Variants in DPEP2 observed in about 807,000 individuals in gnomAD.
DPEP2 encodes the protein dipeptidase 2.
DPEP2 carries 45 observed loss-of-function variants against 51.8 expected under a neutral mutation model. The observed-to-expected ratio is 0.87, with a 90% CI of 0.68 to 1.11. DPEP2 has a LOEUF of 1.11. Among genes scored for constraint, DPEP2 ranks in the 50% most tolerant of loss-of-function variants. DPEP2 has a pLI of 0.00. For synonymous variants in DPEP2, 255 were observed against 262.7 expected (o/e 0.97, Z 0.28); for missense variants, 604 against 631.9 (o/e 0.96, Z 0.47).
In DPEP2 at chr16:67,998,292, CG is replaced by C. The variant is rs1209858776; in HGVS notation, c.-46+1082del. 4.0e-5 allele frequency among the ~76,000 whole-genome samples: 6 copies of C among 148,160 alleles called. No individual in the cohort carries two copies. The East Asian group carries it at 1.0e-3, about 25-fold the overall frequency. On this transcript the variant is annotated intron_variant, in intron 1 of 10. Coordinates refer to ENST00000393847, the MANE Select transcript of DPEP2 (RefSeq NM_022355.4). ...GAGTTTCGGGTGGGCGTGGGCTTGG[CG>C]GGCCCGCACTCGGAGCGGCCCGCGG... is the stretch of plus-strand genomic sequence containing the variant.
At position 67,993,076 on chromosome 16, in the gene DPEP2, A is replaced by G; in HGVS notation, c.137T>C (p.Leu46Pro). Residue 46 changes from leucine (L) to proline (P), a missense_variant, in exon 2 of 11, where the codon CTG (leucine) becomes CCG (proline). Leu to Pro is a moderately conservative substitution (Grantham distance 98, BLOSUM62 -3). Transcript: ENST00000393847. ...CATGGTGTGGGCTCTGGGGGCGCCC[A>G]GCGTGGTGAGGGCTCTGGGGGGGCC... ...TPGPPRALTTLGAPRAHTMPG... is the reference protein window; with the variant it reads ...TPGPPRALTTPGAPRAHTMPG... The G allele has an allele frequency of 6.4e-7, 1 of 1,573,622 alleles. No individual in the cohort carries two copies. Among genetic ancestry groups the G allele is most frequent in the Non-Finnish European group, 8.6e-7 (1 of 1,158,682 alleles).
chr16:67,998,440 C>T (rs1356696438), intron 1 of DPEP2, among the ~76,000 whole-genome samples: 2 of 152,216 alleles, frequency 1.3e-5, no homozygotes, highest in Non-Finnish European at 2.9e-5. Context: ...CGGGCCTTAG[C>T]TGCCTTCCCG....
At chr16:67,996,219 T>A (rs966547004) in intron 1 of DPEP2, among the ~76,000 whole-genome samples, 1 of 147,232 alleles carries the variant, frequency 6.8e-6, no homozygotes, top group Non-Finnish European at 1.5e-5. Context: ...TTTTTTTTTT[T>A]AGAGACAGGG....
chr16:67,991,981 T>C lies in DPEP2; in HGVS notation c.521-2A>G, dbSNP rs2032214838. ...CCAATTTCTGAGTGTCGTTCAGAGCTGGGGGCAGGTAGGTCAGGTGATTAC... is the reference window on the plus strand; with the variant it reads ...CCAATTTCTGAGTGTCGTTCAGAGCCGGGGGCAGGTAGGTCAGGTGATTAC... On this transcript the variant is annotated splice_acceptor_variant, in intron 4 of 10. Transcript: ENST00000393847. LOFTEE classifies it high-confidence loss of function. This position sits in a 1 kb window ranked among gnomAD's most constrained non-coding sequence, Gnocchi z 5.1. 1 of 1,614,044 alleles carries C rather than the reference T, an allele frequency of 6.2e-7. No homozygotes were observed.
intron 1 of DPEP2, among the ~76,000 whole-genome samples, chr16:67,995,215 T>A (rs569845251): frequency 9.2e-4 from 139 of 151,858 alleles, no homozygotes; most frequent in Admixed American, 1.2e-3. Flanking sequence ...TTTTATTTTT[T>A]ATTTATTTTT....
intron 9 of DPEP2, 163 bp from the exon 10 acceptor site, chr16:67,988,150 T>G: frequency 1.3e-6 from 1 of 768,042 alleles, no homozygotes; most frequent in East Asian, 2.7e-5. Context: ...GAAGGAGGCC[T>G]CAAAACCTCC....
intron 1 of DPEP2, among the ~76,000 whole-genome samples, chr16:67,998,560 G>T (rs2151392278): frequency 6.6e-6 from 1 of 152,332 alleles, no homozygotes; most frequent in East Asian, 1.9e-4. Context: ...CTGCTCCACA[G>T]CGCCCAGTCC....
Position 67,992,572 on chromosome 16 carries a change from G to T in DPEP2, c.328C>A (p.Arg110Ser). Residue 110 changes from arginine to serine, a missense_variant, in exon 3 of 11, where the codon CGC becomes AGC. Arg to Ser is a moderately radical substitution (Grantham distance 110). Coordinates refer to ENST00000393847, the MANE Select transcript of DPEP2 (RefSeq NM_022355.4). ...YQKGLQDVNL[R>S]NFSYGQTSLD... is the part of the protein sequence containing the mutation. ...CTGGTCTGGCCGTAGCTGAAATTGC[G>T]CAGGTTAACATCCTGTAGCCCTTTC... 6.2e-7 allele frequency: 1 copy of T among 1,614,166 alleles called. No individual in the cohort carries two copies. Among genetic ancestry groups the T allele is most frequent in the Non-Finnish European group, 8.5e-7 (1 of 1,179,992 alleles).
chr16:67,993,011 TG>T lies in DPEP2; in HGVS notation c.201del (p.Ser68AlafsTer12), dbSNP rs754965589. ...GCCTGCTCTTGCAGGCCCTGGGTGC[TG>T]GGACTACTGAGTGTGGTCGAGGGAG... ...TYAPSTTLSS[P>X]STQGLQEQAR... On this transcript the variant is annotated frameshift_variant, in exon 2 of 11. Coordinates refer to ENST00000393847, the MANE Select transcript of DPEP2 (RefSeq NM_022355.4). LOFTEE classifies it high-confidence loss of function. The T allele has an allele frequency of 1.2e-6, 2 of 1,606,202 alleles. No homozygotes were observed. Among genetic ancestry groups the T allele is most frequent in the South Asian group, 2.2e-5 (2 of 89,658 alleles).
chr16:67,993,455 G>T (rs939890955), intron 1 of DPEP2, 198 bp from the exon 2 acceptor site: 52 of 1,249,290 alleles, frequency 4.2e-5, no homozygotes, highest in Admixed American at 1.2e-4. Flanking sequence ...GGGCGCTCCC[G>T]CCGGCTGGGC....
rs151283462 is a variant in DPEP2 at position 67,992,516 on chromosome 16, G to A, written c.384C>T (p.Gly128=). 34 of 1,610,268 alleles carry A rather than the reference G, an allele frequency of 2.1e-5. No individual in the cohort carries two copies. The highest frequency in any genetic ancestry group is 8.0e-5 in the African/African-American group (6 of 74,850). Residue 128 remains glycine, a synonymous_variant, in exon 3 of 11, where the codon GGC becomes GGT. Coordinates refer to ENST00000393847, the MANE Select transcript of DPEP2 (RefSeq NM_022355.4). Reference sequence around the variant, plus strand: ...TCGTGTATCCCTGTGGTACCTGGGCGCCCACGAGGCCATCTCTAAGCCTGT... The same window carrying A: ...TCGTGTATCCCTGTGGTACCTGGGCACCCACGAGGCCATCTCTAAGCCTGT... The part of the protein sequence containing the change: ...SLDRLRDGLV[G]AQFWSAYVPC...
rs777699818 is a variant in DPEP2, at chr16:67,992,571, C to T, written c.329G>A (p.Arg110His). 7 of 1,614,058 alleles carry T rather than the reference C, an allele frequency of 4.3e-6. No homozygotes were observed. The East Asian group carries it at 6.7e-5, about 15-fold the overall frequency. ...GCTGGTCTGGCCGTAGCTGAAATTGCGCAGGTTAACATCCTGTAGCCCTTT... is the reference window on the plus strand; with the variant it reads ...GCTGGTCTGGCCGTAGCTGAAATTGTGCAGGTTAACATCCTGTAGCCCTTT... ...YQKGLQDVNL[R>H]NFSYGQTSLD... The change falls in exon 3 of 11, where the codon CGC (arginine) becomes CAC (histidine). Residue 110 changes from arginine (R) to histidine (H), a missense_variant. Transcript: ENST00000393847.
chr16:67,988,604 AAAAAAAAAAAAAG>A (rs2031726524), intron 9 of DPEP2, among the ~76,000 whole-genome samples: 1 of 132,522 alleles, frequency 7.5e-6, no homozygotes, highest in Middle Eastern at 3.8e-3. Context: ...CTCTGTCTCA[AAAAAAAAAAAAAG>A]AAAAGAAAAA....
chr16:67,988,056 G>T lies in DPEP2; in HGVS notation c.1071-69C>A, dbSNP rs748237863. 1.3e-4 allele frequency: 209 copies of T among 1,603,134 alleles called. 1 individual carries two copies. Among genetic ancestry groups the T allele is most frequent in the Non-Finnish European group, 1.7e-4 (203 of 1,172,530 alleles). On this transcript the variant is annotated intron_variant, in intron 9 of 10. Transcript: ENST00000393847. ...TCATGACTCAGAACCACAGTCCAGG[G>T]TCTATGAAACCCCAGCCCTGGTCAG...
In DPEP2 at chr16:67,991,945, G is replaced by A. The variant is rs371027638; in HGVS notation, c.555C>T (p.Ile185=). Residue 185 remains isoleucine (I), a synonymous_variant, in exon 5 of 11, where the codon ATC becomes ATT. Transcript: ENST00000393847. This position sits in a 1 kb window ranked among gnomAD's most constrained non-coding sequence, Gnocchi z 5.1. ...LNDTQKLACL[I]GVEGGHSLDN... ...CCAGCGAGTGGCCACCCTCTACACCGATGAGGCAGGCCAATTTCTGAGTGT... is the reference window on the plus strand; with the variant it reads ...CCAGCGAGTGGCCACCCTCTACACCAATGAGGCAGGCCAATTTCTGAGTGT... The A allele has an allele frequency of 3.2e-5, 51 of 1,614,100 alleles. No individual in the cohort carries two copies. The African/African-American group carries it at 3.9e-4, about 12-fold the overall frequency.
Position 67,991,673 on chromosome 16 carries a change from TG to T in DPEP2, c.662+164del. ...GATTACAGGCATGAGCCACCGCGTC[TG>T]GCCAGGGGTCAAGTCGTATTCTGAA... On this transcript the variant is annotated intron_variant, in intron 5 of 10. Coordinates refer to ENST00000393847, the MANE Select transcript of DPEP2 (RefSeq NM_022355.4). This position sits in a 1 kb window ranked among gnomAD's most constrained non-coding sequence, Gnocchi z 5.1. 1 of 1,094,518 alleles carries T rather than the reference TG, an allele frequency of 9.1e-7. No homozygotes were observed. Among genetic ancestry groups the T allele is most frequent in the Non-Finnish European group, 1.3e-6 (1 of 790,656 alleles). 67.8% of individuals were successfully genotyped at this position (1,094,518 alleles called of 1,614,324 possible). A position where few individuals can be genotyped will look rare whatever the true frequency, so the allele number is the denominator to read the frequency against.
Position 67,992,316 on chromosome 16 carries a change from C to T in DPEP2, c.391-123G>A, listed in dbSNP as rs558226664. On this transcript the variant is annotated intron_variant, in intron 3 of 10. Transcript: ENST00000393847. ...GGAGGCCACATGTAATGTACTGCTT[C>T]TTCCACAGGGTCTTCCTGGCCACCA... is the stretch of plus-strand genomic sequence containing the variant. 334 of 1,450,420 alleles carry T rather than the reference C, an allele frequency of 2.3e-4. 1 individual carries two copies. The highest frequency in any genetic ancestry group is 2.6e-4 in the Non-Finnish European group (283 of 1,073,122). 89.8% of individuals were successfully genotyped at this position (1,450,420 alleles called of 1,614,324 possible).
upstream of DPEP2, among the ~76,000 whole-genome samples, chr16:67,999,922 A>G (rs2151394699): frequency 6.6e-6 from 1 of 152,274 alleles, no homozygotes; most frequent in Middle Eastern, 3.4e-3. Context: ...AAACGAAAAC[A>G]AGATCCAATG....
chr16:67,991,020 G>C lies in DPEP2; in HGVS notation c.733-23C>G. On this transcript the variant is annotated intron_variant, in intron 6 of 10. Coordinates refer to ENST00000393847, the MANE Select transcript of DPEP2 (RefSeq NM_022355.4). This position sits in a 1 kb window ranked among gnomAD's most constrained non-coding sequence, Gnocchi z 5.1. ...CTTCTGCAGGGACATGTTGGGAGAA[G>C]GGTATCAGGGGTGCACATGTGTATA... The C allele has an allele frequency of 1.2e-6, 2 of 1,613,716 alleles. No homozygotes were observed. Among genetic ancestry groups the C allele is most frequent in the South Asian group, 2.2e-5 (2 of 91,064 alleles).
Sources: allele counts gnomAD v4.1 joint callset (sites outside exome capture counted in the v4.1 genomes callset), GRCh38; gene constraint gnomAD v4.1.1; non-coding constraint Gnocchi (gnomAD v3.1); transcripts MANE v1.5; gene names NCBI Gene and HGNC (gene_info 2026-07-23, HGNC 2026-07-21).